MMD2: variants seen among roughly 807,000 people sequenced by gnomAD.
The protein encoded by MMD2 is monocyte to macrophage differentiation factor 2.
Under a neutral mutation model 33.5 loss-of-function variants are expected in MMD2, and 30 were observed. The observed-to-expected ratio is 0.90, with a 90% CI of 0.67 to 1.22. The LOEUF (loss-of-function observed/expected upper bound fraction) is 1.22, where lower values mean the gene tolerates loss of function less well. Among genes scored for constraint, MMD2 ranks in the 50% most tolerant of loss-of-function variants. The probability of loss-of-function intolerance (pLI) is 0.00; values close to 1 mark genes in which losing one functional copy is unlikely to be tolerated. For missense variants in MMD2, 364 were observed against 325.4 expected, an observed-to-expected ratio of 1.12 and a Z score of -0.91; for synonymous variants, 129 against 123.0, an observed-to-expected ratio of 1.05 and a Z score of -0.32.
chr7:4,910,573 C>T (rs768718905), intron 5 of MMD2, among the ~76,000 whole-genome samples: 6 of 151,908 alleles, frequency 3.9e-5, no homozygotes, highest in Non-Finnish European at 8.8e-5. Context: ...TGGCATGTGA[C>T]CACCCCCGCC....
At chr7:4,913,953 G>T (rs1423888602) in intron 4 of MMD2, among the ~76,000 whole-genome samples, 2 of 151,964 alleles carry the variant, frequency 1.3e-5, no homozygotes, top group Non-Finnish European at 2.9e-5. Context: ...TAGCCACTGC[G>T]CCTGGCAGGT....
At chr7:4,922,158 G>A (rs1381620503) in intron 2 of MMD2, among the ~76,000 whole-genome samples, 7 of 152,008 alleles carry the variant, frequency 4.6e-5, no homozygotes, top group South Asian at 4.2e-4. Context: ...CCCAGGAGGC[G>A]GAGGTTGCAG....
chr7:4,930,249 G>A (rs1273994377), intron 1 of MMD2, among the ~76,000 whole-genome samples: 1 of 133,232 alleles, frequency 7.5e-6, no homozygotes, highest in East Asian at 2.4e-4. Flanking sequence ...TCCAGCCTGG[G>A]AGACAGAACA....
intron 2 of MMD2, 98 bp downstream of exon 2, chr7:4,925,353 A>C: frequency 1.0e-6 from 1 of 957,120 alleles, no homozygotes; most frequent in Non-Finnish European, 1.5e-6. Context: ...CCCGAGGAAC[A>C]GGCCACTTAG....
At chr7:4,892,397 C>T in the MMD2 span, among the ~76,000 whole-genome samples, 9 of 152,028 alleles carry the variant, frequency 5.9e-5, no homozygotes, top group Non-Finnish European at 7.4e-5. Flanking sequence ...AGACCAGCAT[C>T]GCCTACATGG....
chr7:4,942,319 C>T (rs1319571591), intron 1 of MMD2, among the ~76,000 whole-genome samples: 3 of 150,726 alleles, frequency 2.0e-5, no homozygotes, highest in African/African-American at 4.9e-5. Context: ...AGGCTGTTCT[C>T]GAATACCTGG....
At chr7:4,939,968 C>T (rs1039616480) in intron 1 of MMD2, among the ~76,000 whole-genome samples, 5 of 152,176 alleles carry the variant, frequency 3.3e-5, no homozygotes, top group African/African-American at 1.2e-4. Context: ...TCTCGAACTC[C>T]TGACCTCAAG....
intron 1 of MMD2, among the ~76,000 whole-genome samples, chr7:4,930,523 A>G (rs1451518624): frequency 1.3e-5 from 2 of 151,568 alleles, no homozygotes; most frequent in East Asian, 3.9e-4. Flanking sequence ...GGGCGACTGT[A>G]ATCCCAGCTA....
At chr7:4,932,647 GA>G (rs1475012205) in intron 1 of MMD2, among the ~76,000 whole-genome samples, 52 of 148,880 alleles carry the variant, frequency 3.5e-4, no homozygotes, top group African/African-American at 1.2e-3. Context: ...TTTTGAGAAG[GA>G]GTTTTGCTCT....
chr7:4,935,696 AACC>A (rs1562489082), intron 1 of MMD2, among the ~76,000 whole-genome samples: 1 of 144,570 alleles, frequency 6.9e-6, no homozygotes, highest in South Asian at 2.2e-4. Flanking sequence ...AAAAAAAAAA[AACC>A]AAAAAAATTG....
intron 1 of MMD2, among the ~76,000 whole-genome samples, chr7:4,944,853 C>T (rs375321388): frequency 3.4e-5 from 5 of 148,082 alleles, no homozygotes; most frequent in African/African-American, 5.0e-5. Context: ...CTACAAGCTC[C>T]GCCTCCCAGG....
rs116698585 is a variant in MMD2 at position 4,908,673 on chromosome 7, C to T, written c.538-1074G>A. On this transcript the variant is annotated intron_variant, in intron 6 of 6. Transcript: ENST00000401401. ...CCAGCACTTTGGAGGCTAAGGAGGG[C>T]GGATCACGAGGTCAGGAGTTCGAGA... Among the ~76,000 whole-genome samples, 1,389 of 151,350 alleles carry T rather than the reference C, an allele frequency of 9.2e-3. 26 individuals carry two copies. Among genetic ancestry groups the T allele is most frequent in the African/African-American group, 0.032 (1,327 of 41,240 alleles).
At chr7:4,928,795 C>A (rs560794015) in intron 1 of MMD2, among the ~76,000 whole-genome samples, 1 of 151,318 alleles carries the variant, frequency 6.6e-6, no homozygotes, top group Admixed American at 6.6e-5. Flanking sequence ...TTATTAAGTA[C>A]CTTTGATGTG....
chr7:4,920,196 T>C lies in MMD2; in HGVS notation c.265A>G (p.Ile89Val), dbSNP rs2115103220. The C allele has an allele frequency of 3.2e-6, 5 of 1,568,868 alleles. No homozygotes were observed. Among genetic ancestry groups the C allele is most frequent in the Non-Finnish European group, 4.3e-6 (5 of 1,157,542 alleles). Residue 89 changes from isoleucine (I) to valine (V), a missense_variant, in exon 3 of 7, where the codon ATC (isoleucine) becomes GTC (valine). Physicochemically the swap from Ile to Val is conservative, Grantham distance 29 (BLOSUM62 3). Transcript: ENST00000401401. ...CTGAGGTGGCTCTTCTTCCAGGAGATGGTGTGAAACACAGTGGACACCACG... is the reference window on the plus strand; with the variant it reads ...CTGAGGTGGCTCTTCTTCCAGGAGACGGTGTGAAACACAGTGGACACCACG... ...LFVVSTVFHTISWKKSHLRMV... is the reference protein window; with the variant it reads ...LFVVSTVFHTVSWKKSHLRMV...
chr7:4,909,845 G>C, intron 6 of MMD2, 36 bp downstream of exon 6: 1 of 1,588,304 alleles, frequency 6.3e-7, no homozygotes, highest in Non-Finnish European at 8.6e-7. Flanking sequence ...TTGGTCTCTT[G>C]CAGGGACTCA....
At position 4,944,083 on chromosome 7, in the gene MMD2, C is replaced by T. The variant is rs569446214; in HGVS notation, c.47+14888G>A. Among the ~76,000 whole-genome samples the T allele has an allele frequency of 2.0e-5, 3 of 151,822 alleles. No individual in the cohort carries two copies. In the East Asian group the frequency reaches 5.9e-4, roughly 30 times the overall value. On this transcript the variant is annotated intron_variant, in intron 1 of 6. Coordinates refer to ENST00000401401, the MANE Select transcript of MMD2 (RefSeq NM_198403.4). ...CAAGTAGCTGGGGACTACAGGTGCA[C>T]ACTACCACATCCAACACTCCCTCTC... is the stretch of plus-strand genomic sequence containing the variant.
chr7:4,895,446 C>T, the MMD2 span, among the ~76,000 whole-genome samples: 2 of 152,112 alleles, frequency 1.3e-5, no homozygotes, highest in East Asian at 1.9e-4. Flanking sequence ...GGCGGGGTTG[C>T]GGTGTGGAGA....
At chr7:4,957,029 G>T (rs1298499261) in intron 1 of MMD2, among the ~76,000 whole-genome samples, 1 of 151,978 alleles carries the variant, frequency 6.6e-6, no homozygotes, top group Non-Finnish European at 1.5e-5. Flanking sequence ...AGCCAGGCTT[G>T]GTGGCAGGCG....
In MMD2 at chr7:4,906,958, G is replaced by A. The variant is rs1188718905; in HGVS notation, c.*438C>T. 1 of 234,584 alleles carries A rather than the reference G, an allele frequency of 4.3e-6. No individual in the cohort carries two copies. The highest frequency in any genetic ancestry group is 8.3e-6 in the Non-Finnish European group (1 of 120,706). The allele number at this position is 234,584 out of a possible 1,614,324, so 14.5% of individuals were successfully genotyped here. A position where few individuals can be genotyped will look rare whatever the true frequency, so the allele number is the denominator to read the frequency against. On this transcript the variant is annotated 3_prime_UTR_variant, in exon 7 of 7. Transcript: ENST00000401401. ...TCAAGCTGGGCTGTCCCCTTTCCCT[G>A]AACCAGAGACAATTCGCCAGCCTGG...
Sources: allele counts gnomAD v4.1 joint callset (sites outside exome capture counted in the v4.1 genomes callset), GRCh38; gene constraint gnomAD v4.1.1; transcripts MANE v1.5; gene names NCBI Gene and HGNC (gene_info 2026-07-23, HGNC 2026-07-21).